The following RAB28 variants were observed in gnomAD, a reference collection of about 807,000 sequenced individuals.
The protein encoded by RAB28 is ras-related protein Rab-28.
In RAB28, 24 loss-of-function variants were observed where a neutral mutation model predicts 31.7. The ratio of observed to expected loss-of-function variants is 0.76; its 90% confidence interval spans 0.55 to 1.06. The LOEUF (loss-of-function observed/expected upper bound fraction) is 1.06. Among genes scored for constraint, RAB28 ranks in the 50% least tolerant of loss-of-function variants. RAB28 has a pLI of 0.00. For missense variants in RAB28, 254 were observed against 258.5 expected, an observed-to-expected ratio of 0.98 and a Z score of 0.12; for synonymous variants, 100 against 90.4, an observed-to-expected ratio of 1.11 and a Z score of -0.60.
At chr4:13,447,626 G>T (rs752613344) in intron 4 of RAB28, among the ~76,000 whole-genome samples, 2 of 152,048 alleles carry the variant, frequency 1.3e-5, no homozygotes, top group Non-Finnish European at 2.9e-5. Flanking sequence ...TTAAAAAAGC[G>T]ATTTAGAGCC....
chr4:13,390,356 TGAA>T (rs1729572022), intron 4 of RAB28, among the ~76,000 whole-genome samples: 1 of 152,100 alleles, frequency 6.6e-6, no homozygotes, highest in African/African-American at 2.4e-5. Context: ...ACAAGGGATG[TGAA>T]GGACCTCTTT....
chr4:13,464,108 G>A (rs950183635), intron 3 of RAB28, among the ~76,000 whole-genome samples: 2 of 152,016 alleles, frequency 1.3e-5, no homozygotes, highest in East Asian at 1.9e-4. Flanking sequence ...TAATTTTGAC[G>A]AACTGCTGGA....
intron 4 of RAB28, among the ~76,000 whole-genome samples, chr4:13,391,906 G>A (rs1303003216): frequency 1.3e-5 from 2 of 151,672 alleles, no homozygotes; most frequent in African/African-American, 2.4e-5. Context: ...GGCCTGTCGG[G>A]AGGTGGGGGG....
chr4:13,474,953 T>A (rs1213851314), intron 2 of RAB28, among the ~76,000 whole-genome samples: 1 of 151,620 alleles, frequency 6.6e-6, no homozygotes, highest in African/African-American at 2.4e-5. Context: ...GCAAACATAG[T>A]CAAAAAATTA....
At chr4:13,383,406 T>C (rs1729218199) in intron 4 of RAB28, among the ~76,000 whole-genome samples, 1 of 152,218 alleles carries the variant, frequency 6.6e-6, no homozygotes, top group African/African-American at 2.4e-5. Context: ...ATCTATCATT[T>C]ACTACTCAAA....
chr4:13,384,123 A>G (rs1323480357), intron 4 of RAB28, among the ~76,000 whole-genome samples: 3 of 152,170 alleles, frequency 2.0e-5, no homozygotes, highest in African/African-American at 7.2e-5. Flanking sequence ...CTGCCGCAAG[A>G]GTGAAACTAG....
chr4:13,376,434 C>T, intron 6 of RAB28, 111 bp downstream of exon 6: 2 of 670,136 alleles, frequency 3.0e-6, no homozygotes, highest in Non-Finnish European at 4.9e-6. Flanking sequence ...ATTCCCAAAG[C>T]TTTTAGAGAT....
chr4:13,436,218 G>C (rs1346124269), intron 4 of RAB28, among the ~76,000 whole-genome samples: 1 of 151,974 alleles, frequency 6.6e-6, no homozygotes, highest in South Asian at 2.1e-4. Flanking sequence ...AAAATAATAA[G>C]AGCCATCTAT....
At chr4:13,409,836 CAGAA>C (rs1440659130) in intron 4 of RAB28, among the ~76,000 whole-genome samples, 1 of 152,146 alleles carries the variant, frequency 6.6e-6, no homozygotes, top group Non-Finnish European at 1.5e-5. Context: ...AGTGCCACCA[CAGAA>C]AGAAACAGGT....
intron 3 of RAB28, among the ~76,000 whole-genome samples, chr4:13,469,739 C>T (rs753517378): frequency 2.6e-5 from 4 of 151,968 alleles, no homozygotes; most frequent in Admixed American, 6.6e-5. Context: ...CTCTGTTCCC[C>T]AGGCTGGAAC....
intron 6 of RAB28, chr4:13,369,775 C>A: frequency 8.8e-7 from 1 of 1,141,426 alleles, no homozygotes. Context: ...CAATAATCAT[C>A]TGAACTTCCC....
At chr4:13,457,315 T>C (rs912816014) in intron 4 of RAB28, among the ~76,000 whole-genome samples, 5 of 152,162 alleles carry the variant, frequency 3.3e-5, no homozygotes, top group Non-Finnish European at 7.4e-5. Context: ...TATTATACCA[T>C]ACCAATATAA....
At chr4:13,446,067 G>C (rs796699809) in intron 4 of RAB28, among the ~76,000 whole-genome samples, 4 of 152,290 alleles carry the variant, frequency 2.6e-5, no homozygotes, top group African/African-American at 9.6e-5. Context: ...GAGATGCCTT[G>C]CCCAGTAAGG....
At chr4:13,452,858 T>A (rs1715045850) in intron 4 of RAB28, among the ~76,000 whole-genome samples, 2 of 152,208 alleles carry the variant, frequency 1.3e-5, no homozygotes, top group East Asian at 3.9e-4. Flanking sequence ...TGTCCAATGC[T>A]GAGAGTAGGG....
intron 3 of RAB28, 70 bp downstream of exon 3, chr4:13,474,248 G>A: frequency 1.0e-6 from 1 of 961,186 alleles, no homozygotes; most frequent in East Asian, 2.4e-5. Context: ...GTGCATTTGG[G>A]AGTAGATTTG....
At chr4:13,383,182 A>G (rs1729208266) in intron 4 of RAB28, among the ~76,000 whole-genome samples, 1 of 152,208 alleles carries the variant, frequency 6.6e-6, no homozygotes, top group African/African-American at 2.4e-5. Context: ...TTATCATAAT[A>G]TTGGAGCTAA....
rs563440765 is a variant in RAB28, at chr4:13,468,666, G to A, written c.261+5652C>T. On this transcript the variant is annotated intron_variant, in intron 3 of 6. Coordinates refer to ENST00000330852, the MANE Select transcript of RAB28 (RefSeq NM_001017979.3). Reference sequence around the variant, plus strand: ...CTTCCACTGTAGGAAACTAGAGGAAGAAGAGTAATTTCAGTCAAAAGCGAG... The same window carrying A: ...CTTCCACTGTAGGAAACTAGAGGAAAAAGAGTAATTTCAGTCAAAAGCGAG... 3.5e-4 allele frequency among the ~76,000 whole-genome samples: 53 copies of A among 151,580 alleles called. 1 individual carries two copies. In the South Asian group the frequency reaches 0.011, roughly 31 times the overall value.
intron 4 of RAB28, among the ~76,000 whole-genome samples, chr4:13,440,785 A>T (rs1353736208): frequency 6.6e-6 from 1 of 152,118 alleles, no homozygotes; most frequent in Non-Finnish European, 1.5e-5. Context: ...TTAAGGTAAA[A>T]TGAGACCATA....
chr4:13,435,037 A>G (rs1199056618), intron 4 of RAB28, among the ~76,000 whole-genome samples: 1 of 144,272 alleles, frequency 6.9e-6, no homozygotes, highest in Non-Finnish European at 1.5e-5. Flanking sequence ...AAAAAAAAAG[A>G]AAAGAAAAAG....
Sources: allele counts gnomAD v4.1 joint callset (sites outside exome capture counted in the v4.1 genomes callset), GRCh38; gene constraint gnomAD v4.1.1; transcripts MANE v1.5; gene names NCBI Gene and HGNC (gene_info 2026-07-23, HGNC 2026-07-21).